RARB: variants seen among roughly 807,000 people sequenced by gnomAD.
The protein encoded by RARB is retinoic acid receptor beta, also known as HBV-activated protein.
RARB carries 17 observed loss-of-function variants against 51.9 expected under a neutral mutation model. The ratio of observed to expected loss-of-function variants is 0.33; its 90% confidence interval spans 0.22 to 0.49. The LOEUF is 0.49. Among genes scored for constraint, RARB ranks in the 20% least tolerant of loss-of-function variants. RARB has a pLI of 0.99. For missense variants in RARB, 369 were observed against 550.8 expected (o/e 0.67, Z 3.30); for synonymous variants, 215 against 195.4 (o/e 1.10, Z -0.84).
chr3:24,843,016 G>A (rs1392137587), intron 1 of RARB, among the ~76,000 whole-genome samples: 2 of 152,168 alleles, frequency 1.3e-5, no homozygotes, highest in African/African-American at 4.8e-5. Context: ...GCTCTGACAT[G>A]ACAGAAATCC....
At chr3:25,219,557 G>T (rs550951644) in intron 5 of RARB, among the ~76,000 whole-genome samples, 1 of 152,166 alleles carries the variant, frequency 6.6e-6, no homozygotes, top group African/African-American at 2.4e-5. Context: ...AAGGGAGTGG[G>T]GAGGGAAGTG....
chr3:25,079,925 G>A (rs1698958004), intron 3 of RARB, among the ~76,000 whole-genome samples: 1 of 152,178 alleles, frequency 6.6e-6, no homozygotes, highest in Admixed American at 6.5e-5. Flanking sequence ...CTGAAAGAGT[G>A]TGTATAAACT....
In RARB at chr3:25,235,024, G is replaced by A. The variant is rs116525222; in HGVS notation, c.178+60449G>A. Among the ~76,000 whole-genome samples the A allele has an allele frequency of 2.4e-3, 358 of 152,212 alleles. 1 individual carries two copies. Among genetic ancestry groups the A allele is most frequent in the African/African-American group, 7.8e-3 (326 of 41,542 alleles). ...CCCTGCAACTTCCAGTTCATAGGGG[G>A]CCCCCTTTTTGGATCTCTGGCCAGA... is the stretch of plus-strand genomic sequence containing the variant. On this transcript the variant is annotated intron_variant, in intron 5 of 11. Coordinates refer to the RARB transcript ENST00000383772.
At chr3:25,168,555 T>A (rs368044986) in intron 4 of RARB, among the ~76,000 whole-genome samples, 5 of 151,818 alleles carry the variant, frequency 3.3e-5, no homozygotes, top group African/African-American at 1.2e-4. Flanking sequence ...CTAAAAAATA[T>A]CAGAAAATAC....
intron 3 of RARB, among the ~76,000 whole-genome samples, chr3:25,520,881 A>G (rs1167730591): frequency 1.3e-5 from 2 of 152,212 alleles, no homozygotes. Flanking sequence ...AGCATGATGC[A>G]CTGGCCCATT....
intron 2 of RARB, among the ~76,000 whole-genome samples, chr3:25,052,516 G>T (rs1698352329): frequency 6.6e-6 from 1 of 152,140 alleles, no homozygotes; most frequent in Non-Finnish European, 1.5e-5. Flanking sequence ...TTAAATGTAA[G>T]TAGATATATT....
chr3:25,288,492 GA>G (rs2125420300), intron 5 of RARB, among the ~76,000 whole-genome samples: 1 of 152,284 alleles, frequency 6.6e-6, no homozygotes, highest in South Asian at 2.1e-4. Flanking sequence ...GCTGCCACTT[GA>G]AATCAAATCC....
At chr3:25,126,452 T>C (rs918946006) in intron 3 of RARB, among the ~76,000 whole-genome samples, 1 of 152,168 alleles carries the variant, frequency 6.6e-6, no homozygotes, top group South Asian at 2.1e-4. Flanking sequence ...CTTTTTTTTT[T>C]TTAAAGGTCA....
chr3:25,561,330 T>A (rs1700260293), intron 3 of RARB, among the ~76,000 whole-genome samples: 1 of 152,190 alleles, frequency 6.6e-6, no homozygotes. Flanking sequence ...ATAAAAGGCA[T>A]TTGGGCACGT....
intron 2 of RARB, among the ~76,000 whole-genome samples, chr3:24,916,088 C>G (rs969804233): frequency 1.3e-5 from 2 of 151,906 alleles, no homozygotes; most frequent in Non-Finnish European, 2.9e-5. Flanking sequence ...CTAGGCCTGT[C>G]AATAGTAGTT....
intron 5 of RARB, among the ~76,000 whole-genome samples, chr3:25,251,684 C>T (rs1336669054): frequency 6.6e-6 from 1 of 152,140 alleles, no homozygotes. Context: ...TATTCAAATA[C>T]TTAGCCCATT....
rs535282822 is a variant in RARB at position 25,081,260 on chromosome 3, G to A, written c.-328+21084G>A. Reference sequence around the variant, plus strand: ...ACTGTTGGTTTCTAATTGAATTCAGGTATGTTCAGAGAACATACTCTAATA... The same window carrying A: ...ACTGTTGGTTTCTAATTGAATTCAGATATGTTCAGAGAACATACTCTAATA... On this transcript the variant is annotated intron_variant, in intron 3 of 11. Coordinates refer to the RARB transcript ENST00000383772. 3.3e-5 allele frequency among the ~76,000 whole-genome samples: 5 copies of A among 151,874 alleles called. No homozygotes were observed. In the South Asian group the frequency reaches 8.3e-4, roughly 25 times the overall value.
chr3:25,265,694 A>G (rs112462631), intron 5 of RARB, among the ~76,000 whole-genome samples: 6 of 151,464 alleles, frequency 4.0e-5, no homozygotes, highest in African/African-American at 1.5e-4. Context: ...CTGGTCTTGA[A>G]CTCCTGGGCT....
chr3:25,242,727 G>T (rs1317329085), intron 5 of RARB, among the ~76,000 whole-genome samples: 1 of 152,126 alleles, frequency 6.6e-6, no homozygotes, highest in Admixed American at 6.6e-5. Flanking sequence ...AATATAGTTT[G>T]AAGTGAAGTA....
chr3:25,596,298 A>C (rs182377752), intron 7 of RARB, 122 bp from the exon 8 acceptor site: 1 of 774,116 alleles, frequency 1.3e-6, no homozygotes, highest in Non-Finnish European at 2.0e-6. Context: ...TCTACATTTC[A>C]TAATTCCTAA....
At chr3:25,134,399 C>T (rs985435940) in intron 4 of RARB, among the ~76,000 whole-genome samples, 2 of 151,856 alleles carry the variant, frequency 1.3e-5, no homozygotes, top group African/African-American at 4.8e-5. Context: ...TTAGCTGAAT[C>T]ACCTGAGTTA....
chr3:25,594,784 T>C, intron 7 of RARB, 106 bp downstream of exon 7: 1 of 1,081,406 alleles, frequency 9.2e-7, no homozygotes, highest in South Asian at 3.2e-5. Context: ...GCTTTTAAAG[T>C]CTTGGAACTC....
intron 2 of RARB, among the ~76,000 whole-genome samples, chr3:25,027,166 A>T (rs935801121): frequency 1.3e-5 from 2 of 152,220 alleles, no homozygotes; most frequent in African/African-American, 4.8e-5. Flanking sequence ...TAAAGAGACA[A>T]TATATTGGCT....
At chr3:25,060,303 A>G (rs1342414726) in intron 3 of RARB, 1 of 151,898 alleles carries the variant, frequency 6.6e-6, no homozygotes, top group African/African-American at 2.4e-5. Context: ...TCCTTATTAT[A>G]TACACATAAA....
Sources: gnomAD v4.1 joint callset for allele counts (sites outside exome capture counted in the v4.1 genomes callset) on GRCh38, gnomAD v4.1.1 for gene constraint, MANE v1.5 for transcripts, NCBI Gene and HGNC (gene_info 2026-07-23, HGNC 2026-07-21) for gene names.